The following CLSTN2 variants were observed in gnomAD, a reference collection of about 807,000 sequenced individuals.
CLSTN2 encodes calsyntenin-2.
CLSTN2 carries 48 observed loss-of-function variants against 101.2 expected under a neutral mutation model. The ratio of observed to expected loss-of-function variants is 0.47; its 90% CI spans 0.38 to 0.60. The LOEUF is 0.60. CLSTN2 is among the 20% of genes least tolerant of loss of function. CLSTN2 has a pLI of 0.00. For missense variants in CLSTN2, 1,160 were observed against 1,238.2 expected (o/e 0.94, Z 0.95); for synonymous variants, 481 against 463.6 (o/e 1.04, Z -0.48).
chr3:140,436,844 A>G (rs1475069055), intron 5 of CLSTN2, among the ~76,000 whole-genome samples: 1 of 152,162 alleles, frequency 6.6e-6, no homozygotes. Context: ...AGTTTAAGAC[A>G]AGCTTTATTA....
chr3:140,540,780 A>G (rs1935459865), intron 9 of CLSTN2, among the ~76,000 whole-genome samples: 1 of 152,182 alleles, frequency 6.6e-6, no homozygotes, highest in Non-Finnish European at 1.5e-5. Context: ...ATGCGTGCAT[A>G]TTTTTACCTC....
In CLSTN2 at chr3:140,459,546, C is replaced by T. The variant is rs776495739; in HGVS notation, c.999C>T (p.Leu333=). ...GAGCCTCCTCTGGCATCATTGACCTCTTGCCATCCCCTAGCGCTGCCACCA... is the reference window on the plus strand; with the variant it reads ...GAGCCTCCTCTGGCATCATTGACCTTTTGCCATCCCCTAGCGCTGCCACCA... ...LCGASSGIID[L]LPSPSAATNW... is the part of the protein sequence containing the mutation. The change falls in exon 7 of 17, where the codon CTC becomes CTT. Residue 333 remains leucine, a synonymous_variant. Coordinates refer to ENST00000458420, the MANE Select transcript of CLSTN2 (RefSeq NM_022131.3). 8 of 1,614,104 alleles carry T rather than the reference C, an allele frequency of 5.0e-6. No homozygotes were observed. In the South Asian group the frequency reaches 8.8e-5, roughly 18 times the overall value.
intron 2 of CLSTN2, among the ~76,000 whole-genome samples, chr3:140,197,519 G>A (rs941011567): frequency 1.3e-5 from 2 of 152,146 alleles, no homozygotes; most frequent in African/African-American, 2.4e-5. Context: ...CTGAAATCAC[G>A]CTGTCAGGTA....
chr3:140,414,121 A>T (rs1475899608), intron 4 of CLSTN2, among the ~76,000 whole-genome samples: 3 of 152,142 alleles, frequency 2.0e-5, no homozygotes, highest in Non-Finnish European at 4.4e-5. Context: ...CTGTTTGCAG[A>T]TTACATGATT....
intron 2 of CLSTN2, among the ~76,000 whole-genome samples, chr3:140,192,601 T>C (rs1205370184): frequency 1.3e-5 from 2 of 151,922 alleles, no homozygotes; most frequent in Non-Finnish European, 2.9e-5. Context: ...GCTTTATCTG[T>C]TATTAATGTA....
chr3:140,530,800 C>G (rs555818824), intron 8 of CLSTN2, among the ~76,000 whole-genome samples: 24 of 152,288 alleles, frequency 1.6e-4, no homozygotes, highest in Non-Finnish European at 3.4e-4. Flanking sequence ...GGGGTATGGT[C>G]AGGGTTACCT....
intron 2 of CLSTN2, among the ~76,000 whole-genome samples, chr3:140,255,062 G>A (rs2086594161): frequency 6.6e-6 from 1 of 152,144 alleles, no homozygotes; most frequent in East Asian, 1.9e-4. Flanking sequence ...CTTCATATCA[G>A]TAATCATTAG....
At chr3:140,336,588 A>G (rs980716106) in intron 2 of CLSTN2, among the ~76,000 whole-genome samples, 1 of 152,182 alleles carries the variant, frequency 6.6e-6, no homozygotes, top group Non-Finnish European at 1.5e-5. Context: ...TCTGTCATAG[A>G]GACCCCACCT....
At chr3:140,310,292 C>T (rs533667893) in intron 2 of CLSTN2, among the ~76,000 whole-genome samples, 35 of 152,248 alleles carry the variant, frequency 2.3e-4, no homozygotes, top group African/African-American at 6.7e-4. Context: ...ACCCCCTCCC[C>T]GCCCTGAAGT....
chr3:140,040,301 A>G (rs149655660), intron 1 of CLSTN2, among the ~76,000 whole-genome samples: 38 of 152,278 alleles, frequency 2.5e-4, no homozygotes, highest in African/African-American at 9.1e-4. Context: ...GCCATTTATC[A>G]TAGAAACACA....
intron 1 of CLSTN2, among the ~76,000 whole-genome samples, chr3:139,956,815 T>G (rs1935410265): frequency 6.6e-6 from 1 of 152,158 alleles, no homozygotes; most frequent in Admixed American, 6.5e-5. Flanking sequence ...CATAATTTAT[T>G]TTTTTCTGGT....
intron 1 of CLSTN2, among the ~76,000 whole-genome samples, chr3:140,073,018 T>C (rs575720386): frequency 1.3e-5 from 2 of 152,220 alleles, no homozygotes; most frequent in Non-Finnish European, 2.9e-5. Context: ...CAGATGACCA[T>C]GATGTCATTC....
chr3:140,009,799 A>C (rs1039683767), intron 1 of CLSTN2, among the ~76,000 whole-genome samples: 2 of 152,252 alleles, frequency 1.3e-5, no homozygotes, highest in Non-Finnish European at 2.9e-5. Flanking sequence ...TCCAAACTAC[A>C]AAAGAAGCTG....
intron 2 of CLSTN2, among the ~76,000 whole-genome samples, chr3:140,237,947 G>A (rs2086431069): frequency 6.6e-6 from 1 of 152,148 alleles, no homozygotes; most frequent in Admixed American, 6.6e-5. Flanking sequence ...AGGCTCTGCT[G>A]TCTCAAAAGC....
chr3:140,014,658 T>C (rs938239787), intron 1 of CLSTN2, among the ~76,000 whole-genome samples: 3 of 152,040 alleles, frequency 2.0e-5, no homozygotes, highest in Non-Finnish European at 4.4e-5. Context: ...AGGTCCACAG[T>C]AGGGCCTGTG....
chr3:140,099,081 G>A (rs1370123351), intron 1 of CLSTN2, among the ~76,000 whole-genome samples: 1 of 152,154 alleles, frequency 6.6e-6, no homozygotes, highest in South Asian at 2.1e-4. Context: ...TCCGTATGTG[G>A]CTCAATCTCA....
intron 1 of CLSTN2, among the ~76,000 whole-genome samples, chr3:140,079,010 G>A (rs1014540348): frequency 6.6e-5 from 10 of 152,168 alleles, no homozygotes; most frequent in Admixed American, 6.5e-4. Context: ...ATATCAGAAA[G>A]ACCTATTTTT....
chr3:140,047,680 G>A (rs963435916), intron 1 of CLSTN2, among the ~76,000 whole-genome samples: 1 of 152,188 alleles, frequency 6.6e-6, no homozygotes, highest in African/African-American at 2.4e-5. Flanking sequence ...TGTGGAGTCC[G>A]CAGGTAGTGC....
chr3:140,409,534 C>T (rs1054280174), intron 4 of CLSTN2, among the ~76,000 whole-genome samples: 6 of 152,222 alleles, frequency 3.9e-5, no homozygotes, highest in African/African-American at 1.4e-4. Context: ...CCCACCCTCA[C>T]CTACCCATAG....
Sources: allele counts gnomAD v4.1 joint callset (sites outside exome capture counted in the v4.1 genomes callset), GRCh38; gene constraint gnomAD v4.1.1; transcripts MANE v1.5; gene names NCBI Gene and HGNC (gene_info 2026-07-23, HGNC 2026-07-21).